SLC30A8: variants seen among roughly 807,000 people sequenced by gnomAD.
SLC30A8 encodes proton-coupled zinc antiporter SLC30A8.
SLC30A8 carries 27 observed loss-of-function variants against 36.9 expected under a neutral mutation model. The ratio of observed to expected loss-of-function variants is 0.73; its 90% CI spans 0.54 to 1.01. The LOEUF is 1.01. Among genes scored for constraint, SLC30A8 ranks in the 50% least tolerant of loss-of-function variants. SLC30A8 has a pLI of 0.00. For synonymous variants in SLC30A8, 164 were observed against 172.4 expected (o/e 0.95, Z 0.38); for missense variants, 439 against 452.0 (o/e 0.97, Z 0.26).
intron 1 of SLC30A8, among the ~76,000 whole-genome samples, chr8:117,026,417 T>C (rs2130732514): frequency 6.6e-6 from 1 of 152,310 alleles, no homozygotes; most frequent in East Asian, 1.9e-4. Flanking sequence ...GAGAAATGTT[T>C]AATGGAAAGC....
chr8:117,076,392 T>A (rs1334119032), intron 2 of SLC30A8, among the ~76,000 whole-genome samples: 1 of 152,240 alleles, frequency 6.6e-6, no homozygotes. Context: ...ATGAAATTCA[T>A]TCCTTCTGCC....
intron 2 of SLC30A8, 106 bp from the exon 3 acceptor site, chr8:117,152,838 T>TA: frequency 1.1e-6 from 1 of 912,004 alleles, no homozygotes; most frequent in East Asian, 2.7e-5. Context: ...CTTTTTCCTC[T>TA]AAAGTTTTGT....
intron 1 of SLC30A8, among the ~76,000 whole-genome samples, chr8:117,009,399 T>A (rs1331706981): frequency 1.3e-5 from 2 of 152,222 alleles, no homozygotes; most frequent in Non-Finnish European, 2.9e-5. Flanking sequence ...AAGGACCAAA[T>A]GAACTTGAAT....
At chr8:117,059,620 C>T (rs1409478284) in intron 2 of SLC30A8, among the ~76,000 whole-genome samples, 1 of 152,182 alleles carries the variant, frequency 6.6e-6, no homozygotes, top group Admixed American at 6.5e-5. Context: ...AGTTCTGGAC[C>T]TGACCTTTCT....
intron 2 of SLC30A8, among the ~76,000 whole-genome samples, chr8:117,084,040 G>T (rs1818771842): frequency 6.6e-6 from 1 of 152,038 alleles, no homozygotes; most frequent in Admixed American, 6.6e-5. Flanking sequence ...ATTCAGTACT[G>T]CCCTAAAACT....
chr8:117,099,996 G>A (rs986979841), intron 2 of SLC30A8, among the ~76,000 whole-genome samples: 1 of 152,056 alleles, frequency 6.6e-6, no homozygotes, highest in African/African-American at 2.4e-5. Context: ...TAAAGTAATG[G>A]GAACAAGAGG....
At chr8:117,093,278 C>T (rs930277871) in intron 2 of SLC30A8, among the ~76,000 whole-genome samples, 21 of 151,664 alleles carry the variant, frequency 1.4e-4, no homozygotes, top group Non-Finnish European at 2.7e-4. Context: ...ATTTCAGCAA[C>T]GTTTAAAAAA....
At chr8:117,033,604 A>T (rs867354203) in intron 1 of SLC30A8, among the ~76,000 whole-genome samples, 3 of 152,354 alleles carry the variant, frequency 2.0e-5, no homozygotes, top group South Asian at 2.1e-4. Context: ...TTCACTTTGA[A>T]ATGGTTAGTT....
At chr8:117,007,263 ATAAAT>A (rs1273052494) in intron 1 of SLC30A8, 1 of 152,138 alleles carries the variant, frequency 6.6e-6, no homozygotes, top group Non-Finnish European at 1.5e-5. Flanking sequence ...TTTCTAGAGT[ATAAAT>A]TAAAGTTATT....
In SLC30A8 at chr8:117,174,311, T is replaced by C. The variant is rs567893871; in HGVS notation, c.*1630T>C. The C allele has an allele frequency of 6.6e-6, 1 of 152,460 alleles. No homozygotes were observed. Among genetic ancestry groups the C allele is most frequent in the Admixed American group, 6.5e-5 (1 of 15,276 alleles). The allele number at this position is 152,460 out of a possible 1,614,324, so 9.4% of individuals were successfully genotyped here. A position where few individuals can be genotyped will look rare whatever the true frequency, so the allele number is the denominator to read the frequency against. Reference sequence around the variant, plus strand: ...TATCATTTATATTTGTATTTTTTTCTGAAATTTGAGGGCCAAGAAAACATT... The same window carrying C: ...TATCATTTATATTTGTATTTTTTTCCGAAATTTGAGGGCCAAGAAAACATT... On this transcript the variant is annotated 3_prime_UTR_variant, in exon 8 of 8. Coordinates refer to ENST00000456015, the MANE Select transcript of SLC30A8 (RefSeq NM_173851.3).
chr8:117,160,785 T>TGATCA (rs950318937), intron 4 of SLC30A8, among the ~76,000 whole-genome samples: 1 of 152,234 alleles, frequency 6.6e-6, no homozygotes, highest in Non-Finnish European at 1.5e-5. Context: ...CATTCAGTAG[T>TGATCA]GATCAGATCT....
At chr8:117,053,445 C>T (rs182801793) in intron 2 of SLC30A8, among the ~76,000 whole-genome samples, 40 of 152,186 alleles carry the variant, frequency 2.6e-4, no homozygotes, top group Middle Eastern at 3.4e-3. Context: ...ATGGTGCAGA[C>T]GGAAAACAGA....
chr8:117,041,335 C>A (rs1376395945), intron 2 of SLC30A8, among the ~76,000 whole-genome samples: 2 of 152,266 alleles, frequency 1.3e-5, no homozygotes, highest in Admixed American at 6.5e-5. Context: ...AGTTTCATCA[C>A]CTTGGCAGGT....
intron 1 of SLC30A8, among the ~76,000 whole-genome samples, chr8:116,961,755 A>G (rs1311801991): frequency 2.0e-5 from 3 of 151,900 alleles, no homozygotes; most frequent in Admixed American, 2.0e-4. Flanking sequence ...AAAAGGGAGA[A>G]GGGTAAGAGA....
chr8:117,163,997 C>T (rs1291983735), intron 6 of SLC30A8: 1 of 154,092 alleles, frequency 6.5e-6, no homozygotes, highest in African/African-American at 2.4e-5. Context: ...ACTAGAATTA[C>T]AGATATGAGC....
chr8:117,037,490 T>C (rs747069962), intron 1 of SLC30A8, among the ~76,000 whole-genome samples: 6 of 151,316 alleles, frequency 4.0e-5, no homozygotes, highest in African/African-American at 1.5e-4. Context: ...AGCAGGGGAG[T>C]CACCATACCA....
chr8:116,984,077 T>A (rs970572862), intron 1 of SLC30A8, among the ~76,000 whole-genome samples: 2 of 152,148 alleles, frequency 1.3e-5, no homozygotes, highest in African/African-American at 4.8e-5. Flanking sequence ...ATGGATAGAG[T>A]CATATAACAT....
intron 6 of SLC30A8, among the ~76,000 whole-genome samples, chr8:117,167,673 C>T (rs1306615034): frequency 2.0e-5 from 3 of 152,040 alleles, no homozygotes; most frequent in African/African-American, 7.2e-5. Context: ...AATTACTCCA[C>T]AGCATGGAAG....
chr8:117,088,042 G>A (rs1818950142), intron 2 of SLC30A8, among the ~76,000 whole-genome samples: 2 of 151,882 alleles, frequency 1.3e-5, no homozygotes, highest in Non-Finnish European at 1.5e-5. Flanking sequence ...TGAATGGAGA[G>A]AGGGAAGGAG....
Sources: gnomAD v4.1 joint callset for allele counts (sites outside exome capture counted in the v4.1 genomes callset) on GRCh38, gnomAD v4.1.1 for gene constraint, MANE v1.5 for transcripts, NCBI Gene and HGNC (gene_info 2026-07-23, HGNC 2026-07-21) for gene names.